The following STPG2 variants were observed in gnomAD, a reference collection of about 807,000 sequenced individuals.
STPG2 encodes the protein sperm-tail PG-rich repeat-containing protein 2.
In STPG2, 56 loss-of-function variants were observed where a neutral mutation model predicts 54.2. That is an observed-to-expected ratio of 1.03 (90% confidence interval 0.83 to 1.29). The LOEUF (loss-of-function observed/expected upper bound fraction) is 1.29. Ranked by LOEUF, STPG2 falls within the 50% of genes most tolerant of loss-of-function variation. The pLI is 0.00. For missense variants in STPG2, 596 were observed against 544.9 expected, an observed-to-expected ratio of 1.09 and a Z score of -0.93; for synonymous variants, 200 against 181.8, an observed-to-expected ratio of 1.10 and a Z score of -0.81.
intron 5 of STPG2, among the ~76,000 whole-genome samples, chr4:98,063,685 GA>G (rs952872506): frequency 6.4e-5 from 8 of 124,804 alleles, no homozygotes; most frequent in African/African-American, 1.2e-4. Flanking sequence ...CACTTTGAGG[GA>G]AAAAAATATA....
At chr4:97,506,354 T>C (rs1197076688) in intron 4 of STPG2, among the ~76,000 whole-genome samples, 1 of 151,880 alleles carries the variant, frequency 6.6e-6, no homozygotes, top group African/African-American at 2.4e-5. Context: ...AGCTGGGACA[T>C]GGAGGTTTAG....
intron 5 of STPG2, among the ~76,000 whole-genome samples, chr4:97,989,211 C>T (rs1462305350): frequency 6.6e-6 from 1 of 152,118 alleles, no homozygotes; most frequent in African/African-American, 2.4e-5. Context: ...AAAGAAACTT[C>T]TACACAATTC....
intron 5 of STPG2, among the ~76,000 whole-genome samples, chr4:98,101,154 C>A (rs1739025688): frequency 6.6e-6 from 1 of 152,180 alleles, no homozygotes; most frequent in Admixed American, 6.5e-5. Context: ...AATTCTGCAG[C>A]ACTTTGCCAC....
At position 97,547,978 on chromosome 4, in the gene STPG2, C is replaced by T. The variant is rs370914271; in HGVS notation, c.462+164721G>A. ...CCAGCCTGACCAACGTGGAGAAACC[C>T]TCTCTCTACTAAAAATATAAAATTA... On this transcript the variant is annotated intron_variant, in intron 4 of 4. Coordinates refer to the STPG2 transcript ENST00000522676. Among the ~76,000 whole-genome samples the T allele has an allele frequency of 1.4e-4, 21 of 151,956 alleles. No individual in the cohort carries two copies. In the Middle Eastern group the frequency reaches 0.014, roughly 98 times the overall value.
intron 4 of STPG2, among the ~76,000 whole-genome samples, chr4:97,553,352 T>A (rs1035293429): frequency 6.6e-6 from 1 of 152,192 alleles, no homozygotes; most frequent in African/African-American, 2.4e-5. Context: ...GTCATCAGAC[T>A]GTTGTAGATG....
At chr4:97,495,415 C>A (rs1730584268) in intron 4 of STPG2, among the ~76,000 whole-genome samples, 1 of 151,236 alleles carries the variant, frequency 6.6e-6, no homozygotes, top group Admixed American at 6.6e-5. Context: ...AGCCTTAAAA[C>A]CACCCACACA....
chr4:97,803,939 C>T (rs1727474743), intron 9 of STPG2, among the ~76,000 whole-genome samples: 1 of 152,152 alleles, frequency 6.6e-6, no homozygotes, highest in Admixed American at 6.5e-5. Context: ...CAGTACCCCA[C>T]CTAAACAAGA....
intron 8 of STPG2, among the ~76,000 whole-genome samples, chr4:97,882,094 T>C (rs1042272816): frequency 3.3e-5 from 5 of 152,242 alleles, no homozygotes; most frequent in Admixed American, 6.5e-5. Context: ...AGGAGGATGA[T>C]GAGAAACACC....
Position 97,447,871 on chromosome 4 carries a change from G to A in STPG2, c.463-260038C>T, listed in dbSNP as rs369386425. 2.2e-4 allele frequency among the ~76,000 whole-genome samples: 34 copies of A among 152,258 alleles called. No homozygotes were observed. The South Asian group carries it at 6.8e-3, about 31-fold the overall frequency. ...CTCCTAGTGGAGCTGTGAGAAGAAA[G>A]CCACCCTTATCCAGACCCAAGAATA... On this transcript the variant is annotated intron_variant, in intron 4 of 4. Coordinates refer to the STPG2 transcript ENST00000522676.
At chr4:97,866,120 G>T (rs1362553934) in intron 8 of STPG2, among the ~76,000 whole-genome samples, 1 of 151,852 alleles carries the variant, frequency 6.6e-6, no homozygotes, top group African/African-American at 2.4e-5. Context: ...GTGGAGGGAA[G>T]GGGGAATGGT....
chr4:97,662,612 G>C (rs1186596915), intron 10 of STPG2, among the ~76,000 whole-genome samples: 3 of 152,046 alleles, frequency 2.0e-5, no homozygotes, highest in African/African-American at 7.2e-5. Context: ...AATCAACCTA[G>C]GTCCCCATTA....
intron 5 of STPG2, among the ~76,000 whole-genome samples, chr4:98,042,292 AT>A (rs1002660885): frequency 1.3e-5 from 2 of 150,500 alleles, no homozygotes; most frequent in East Asian, 1.9e-4. Flanking sequence ...CATTTCATTG[AT>A]TTTTTTGTAC....
chr4:97,654,138 A>C (rs1262135349), intron 10 of STPG2, among the ~76,000 whole-genome samples: 1 of 152,086 alleles, frequency 6.6e-6, no homozygotes, highest in East Asian at 1.9e-4. Flanking sequence ...GTTGGCTGGA[A>C]CTCAATAAAA....
intron 8 of STPG2, among the ~76,000 whole-genome samples, chr4:97,878,582 G>A (rs558295975): frequency 1.6e-4 from 25 of 152,232 alleles, no homozygotes; most frequent in Admixed American, 3.9e-4. Flanking sequence ...TTTTAGCCAT[G>A]GCTACAGCAG....
chr4:97,723,833 A>T (rs1281392470), intron 9 of STPG2, among the ~76,000 whole-genome samples: 1 of 152,144 alleles, frequency 6.6e-6, no homozygotes, highest in Non-Finnish European at 1.5e-5. Flanking sequence ...AAACCATCAG[A>T]TCTTGTGATA....
intron 9 of STPG2, among the ~76,000 whole-genome samples, chr4:97,738,628 A>C (rs1321724830): frequency 6.6e-6 from 1 of 152,224 alleles, no homozygotes; most frequent in Admixed American, 6.5e-5. Context: ...CCATTACACA[A>C]TGGTAAAGGG....
chr4:97,942,986 A>C (rs1733048021), intron 8 of STPG2, among the ~76,000 whole-genome samples: 1 of 152,180 alleles, frequency 6.6e-6, no homozygotes, highest in Non-Finnish European at 1.5e-5. Context: ...AAAATACCAT[A>C]AACTGGGTAG....
chr4:97,975,228 A>G (rs1046748220), intron 6 of STPG2, among the ~76,000 whole-genome samples: 14 of 152,308 alleles, frequency 9.2e-5, no homozygotes, highest in African/African-American at 2.9e-4. Context: ...CTGACTACAT[A>G]CATCTACCAA....
chr4:97,566,779 A>G (rs986444307), intron 10 of STPG2, among the ~76,000 whole-genome samples: 5 of 151,728 alleles, frequency 3.3e-5, no homozygotes, highest in Admixed American at 1.3e-4. Context: ...AACTATCACA[A>G]GAACAAGAAA....
Sources: allele counts gnomAD v4.1 joint callset (sites outside exome capture counted in the v4.1 genomes callset), GRCh38; gene constraint gnomAD v4.1.1; transcripts MANE v1.5; gene names NCBI Gene and HGNC (gene_info 2026-07-23, HGNC 2026-07-21).